ADAMTS6: variants seen among roughly 807,000 people sequenced by gnomAD.
ADAMTS6 encodes the protein A disintegrin and metalloproteinase with thrombospondin motifs 6.
Under a neutral mutation model 144.3 loss-of-function variants are expected in ADAMTS6, and 23 were observed. The observed-to-expected ratio is 0.16, with a 90% CI of 0.11 to 0.23. The LOEUF is 0.23. Ranked by LOEUF, ADAMTS6 falls within the 10% of genes least tolerant of loss-of-function variation. The pLI is 1.00. For synonymous variants in ADAMTS6, 444 were observed against 457.5 expected (o/e 0.97, Z 0.38); for missense variants, 999 against 1,379.6 (o/e 0.72, Z 4.37).
In ADAMTS6 at chr5:65,259,222, A is replaced by ATAT. The variant is rs200053496; in HGVS notation, c.1830+1377_1830+1378insATA. Among the ~76,000 whole-genome samples, 1,283 of 144,358 alleles carry ATAT rather than the reference A, an allele frequency of 8.9e-3. 19 individuals are homozygous for ATAT. Among genetic ancestry groups the ATAT allele is most frequent in the African/African-American group, 0.031 (1,238 of 39,326 alleles). The allele number at this position is 144,358 out of a possible 152,430, so 94.7% of individuals were successfully genotyped here. On this transcript the variant is annotated intron_variant, in intron 14 of 24. Transcript: ENST00000381055. ...AAAAGTGTATATATATATATATATA[A>ATAT]AATTAGCCAGGTGTGGTGGCACACA...
At chr5:65,286,397 A>T (rs1741665699) in intron 11 of ADAMTS6, among the ~76,000 whole-genome samples, 1 of 152,164 alleles carries the variant, frequency 6.6e-6, no homozygotes, top group African/African-American at 2.4e-5. Flanking sequence ...ATGGTTCAGG[A>T]TATATGGCCT....
At chr5:65,329,316 A>T (rs1746481012) in intron 9 of ADAMTS6, 62 bp downstream of exon 9, 8 of 1,416,144 alleles carry the variant, frequency 5.6e-6, no homozygotes, top group African/African-American at 1.4e-5. Flanking sequence ...TCCATACAGT[A>T]GTTACAAGTT....
intron 7 of ADAMTS6, among the ~76,000 whole-genome samples, chr5:65,397,812 G>A (rs1337124674): frequency 1.3e-5 from 2 of 150,140 alleles, no homozygotes; most frequent in Non-Finnish European, 2.9e-5. Flanking sequence ...AGGAAGCAGA[G>A]GATGCAGTGA....
chr5:65,424,323 T>A (rs1018121707), intron 7 of ADAMTS6, among the ~76,000 whole-genome samples: 1 of 152,216 alleles, frequency 6.6e-6, no homozygotes, highest in Non-Finnish European at 1.5e-5. Context: ...AATGGACAGT[T>A]TTAGTTAGAA....
At chr5:65,274,126 C>T (rs997776112) in intron 11 of ADAMTS6, among the ~76,000 whole-genome samples, 7 of 152,024 alleles carry the variant, frequency 4.6e-5, no homozygotes, top group Admixed American at 6.6e-5. Context: ...CTATGATTTT[C>T]CATTATCCTA....
chr5:65,273,144 C>T (rs764097810), intron 12 of ADAMTS6, among the ~76,000 whole-genome samples, 196 bp downstream of exon 12: 7 of 152,138 alleles, frequency 4.6e-5, no homozygotes, highest in African/African-American at 4.8e-5. Flanking sequence ...CTAAAATAGA[C>T]TTACCAACTG....
At chr5:65,212,658 A>G (rs1465718726) in intron 20 of ADAMTS6, among the ~76,000 whole-genome samples, 1 of 152,076 alleles carries the variant, frequency 6.6e-6, no homozygotes, top group Non-Finnish European at 1.5e-5. Context: ...TTGAAGGAAC[A>G]TTAAGAATTC....
intron 9 of ADAMTS6, among the ~76,000 whole-genome samples, chr5:65,303,449 GTATT>G (rs1279785816): frequency 2.6e-5 from 4 of 151,834 alleles, no homozygotes; most frequent in East Asian, 1.9e-4. Flanking sequence ...CTTTACTTAT[GTATT>G]TATTTATCAA....
At chr5:65,390,394 G>A (rs1385646572) in intron 7 of ADAMTS6, among the ~76,000 whole-genome samples, 1 of 152,088 alleles carries the variant, frequency 6.6e-6, no homozygotes, top group Non-Finnish European at 1.5e-5. Flanking sequence ...TCCGTGAGCT[G>A]GTAAAAACTA....
chr5:65,455,114 T>A (rs1759079870), intron 4 of ADAMTS6, among the ~76,000 whole-genome samples: 1 of 152,234 alleles, frequency 6.6e-6, no homozygotes, highest in South Asian at 2.1e-4. Flanking sequence ...AATGTCCAAA[T>A]ATAGGATTTT....
intron 20 of ADAMTS6, among the ~76,000 whole-genome samples, chr5:65,207,948 G>A (rs950978961): frequency 2.6e-5 from 4 of 152,210 alleles, no homozygotes; most frequent in Non-Finnish European, 4.4e-5. Flanking sequence ...TTAATTGGAT[G>A]TTTATAAATG....
At chr5:65,405,358 A>C (rs1315181164) in intron 7 of ADAMTS6, among the ~76,000 whole-genome samples, 1 of 152,152 alleles carries the variant, frequency 6.6e-6, no homozygotes, top group Non-Finnish European at 1.5e-5. Flanking sequence ...TCAGCTTTCT[A>C]CATATGGCTA....
intron 4 of ADAMTS6, 100 bp from the exon 5 acceptor site, chr5:65,453,018 T>A: frequency 1.1e-6 from 1 of 900,176 alleles, no homozygotes. Context: ...TCTAATATAT[T>A]AAGATTTTTC....
At chr5:65,400,057 C>T (rs185552845) in intron 7 of ADAMTS6, among the ~76,000 whole-genome samples, 252 of 152,250 alleles carry the variant, frequency 1.7e-3, no homozygotes, top group African/African-American at 5.5e-3. Context: ...TTTCCTCAAA[C>T]CTTTAAATGT....
At chr5:65,405,557 T>C (rs1754383192) in intron 7 of ADAMTS6, among the ~76,000 whole-genome samples, 1 of 152,200 alleles carries the variant, frequency 6.6e-6, no homozygotes, top group South Asian at 2.1e-4. Flanking sequence ...AGCCTTGTAG[T>C]ATAGTTTGAA....
At chr5:65,354,571 C>T (rs959222513) in intron 7 of ADAMTS6, among the ~76,000 whole-genome samples, 5 of 151,566 alleles carry the variant, frequency 3.3e-5, no homozygotes, top group Non-Finnish European at 7.4e-5. Flanking sequence ...CTAATTCAGT[C>T]GTTAATAAAA....
At chr5:65,378,090 A>C (rs1200591689) in intron 7 of ADAMTS6, among the ~76,000 whole-genome samples, 3 of 152,126 alleles carry the variant, frequency 2.0e-5, no homozygotes, top group Admixed American at 6.6e-5. Flanking sequence ...TCAGCTACTT[A>C]CATCTGCAAG....
chr5:65,187,993 C>T, intron 22 of ADAMTS6, 23 bp downstream of exon 22: 1 of 1,612,186 alleles, frequency 6.2e-7, no homozygotes, highest in South Asian at 1.1e-5. Flanking sequence ...AAAACATATA[C>T]ATATAGCCTC....
chr5:65,429,816 A>G (rs1756852754), intron 7 of ADAMTS6, among the ~76,000 whole-genome samples: 1 of 152,148 alleles, frequency 6.6e-6, no homozygotes, highest in African/African-American at 2.4e-5. Flanking sequence ...CAATAGTTCT[A>G]TTTGAATAAT....
Sources: allele counts gnomAD v4.1 joint callset (sites outside exome capture counted in the v4.1 genomes callset), GRCh38; gene constraint gnomAD v4.1.1; transcripts MANE v1.5; gene names NCBI Gene and HGNC (gene_info 2026-07-23, HGNC 2026-07-21).